The following DEFB119 variants were observed in gnomAD, a reference collection of about 807,000 sequenced individuals.
DEFB119 encodes the protein beta-defensin 119.
DEFB119 carries 3 observed loss-of-function variants against 2.5 expected under a neutral mutation model. That is an observed-to-expected ratio of 1.19 (90% CI 0.54 to 3.07). The LOEUF is 3.07. Ranked by LOEUF, DEFB119 falls within the 30% of genes most tolerant of loss-of-function variation. The pLI is 0.03. For missense variants in DEFB119, 113 were observed against 101.1 expected, an observed-to-expected ratio of 1.12 and a Z score of -0.50; for synonymous variants, 29 against 33.7, an observed-to-expected ratio of 0.86 and a Z score of 0.48.
At chr20:31,378,924 C>A (rs566866809) in intron 1 of DEFB119, among the ~76,000 whole-genome samples, 2 of 146,024 alleles carry the variant, frequency 1.4e-5, no homozygotes, top group Admixed American at 1.4e-4. Context: ...AAATACCTGG[C>A]AGATGAAAAG....
Position 31,390,492 on chromosome 20 carries a change from G to A in DEFB119, c.-9C>T. On this transcript the variant is annotated 5_prime_UTR_variant, in exon 1 of 2. Transcript: ENST00000376321. ...AGGTAAAGAAGTTTCATGGCTGGCA[G>A]ACCTGAGAGGAGGAGGTGGCTGAGC... The A allele has an allele frequency of 6.2e-7, 1 of 1,613,012 alleles. No individual in the cohort carries two copies. Among genetic ancestry groups the A allele is most frequent in the Non-Finnish European group, 8.5e-7 (1 of 1,179,634 alleles).
At chr20:31,382,036 A>C (rs1352846127) in intron 1 of DEFB119, among the ~76,000 whole-genome samples, 1 of 152,336 alleles carries the variant, frequency 6.6e-6, no homozygotes, top group Non-Finnish European at 1.5e-5. Context: ...GTGATGGAAC[A>C]GTTCTGCAGC....
rs766006707 is a variant in DEFB119, at chr20:31,377,284, C to T, written c.217G>A (p.Asp73Asn). The T allele has an allele frequency of 2.0e-5, 33 of 1,613,694 alleles. No individual in the cohort carries two copies. The East Asian group carries it at 2.2e-4, about 11-fold the overall frequency. Reference sequence around the variant, plus strand: ...GGCCACTGCTTCTCATAAGACCAGTCGGTATTTTCCTCTTTGCCAGAAATG... The same window carrying T: ...GGCCACTGCTTCTCATAAGACCAGTTGGTATTTTCCTCTTTGCCAGAAATG... ...ISISGKEENT[D>N]WSYEKQWPRL... is the part of the protein sequence containing the mutation. Residue 73 changes from aspartate to asparagine, a missense_variant, in exon 2 of 2, where the codon GAC becomes AAC. Asp to Asn is a conservative substitution (Grantham distance 23, BLOSUM62 1). Coordinates refer to ENST00000376321, the MANE Select transcript of DEFB119 (RefSeq NM_153289.4).
chr20:31,390,561 A>T lies in DEFB119; in HGVS notation c.-78T>A, dbSNP rs1357834707. ...GGTTCCCTGCAGCACGGCAGAGATG[A>T]GCTTTGCTTTTATCAGCAGGGCTGT... On this transcript the variant is annotated 5_prime_UTR_variant, in exon 1 of 2. Transcript: ENST00000376321. The T allele has an allele frequency of 1.4e-6, 2 of 1,422,070 alleles. No individual in the cohort carries two copies. The highest frequency in any genetic ancestry group is 2.9e-5 in the African/African-American group (2 of 69,570). The allele number at this position is 1,422,070 out of a possible 1,614,324, so 88.1% of individuals were successfully genotyped here. A position where few individuals can be genotyped will look rare whatever the true frequency, so the allele number is the denominator to read the frequency against.
At chr20:31,377,475 C>A in intron 1 of DEFB119, 36 bp from the exon 2 acceptor site, 2 of 1,583,412 alleles carry the variant, frequency 1.3e-6, no homozygotes, top group Admixed American at 1.8e-5. Context: ...AGTTAATTCA[C>A]CTAGGAGTGA....
intron 1 of DEFB119, 43 bp downstream of exon 1, chr20:31,390,380 C>A (rs201108071): frequency 1.2e-4 from 187 of 1,573,850 alleles, no homozygotes; most frequent in Admixed American, 2.4e-4. Context: ...AGACGGGAAG[C>A]CCATGACCAG....
At chr20:31,378,263 G>A in intron 1 of DEFB119, 6 of 1,597,924 alleles carry the variant, frequency 3.8e-6, no homozygotes, top group Admixed American at 1.7e-5. Flanking sequence ...TCCCTGAGAT[G>A]TGACTTGGAG....
At chr20:31,390,352 C>T (rs1482283547) in intron 1 of DEFB119, 71 bp downstream of exon 1, 2 of 1,421,932 alleles carry the variant, frequency 1.4e-6, no homozygotes, top group South Asian at 1.2e-5. Context: ...ATGATGCCCA[C>T]AGTGAGAGGG....
chr20:31,379,285 A>G (rs1400897750), intron 1 of DEFB119, among the ~76,000 whole-genome samples: 4 of 152,138 alleles, frequency 2.6e-5, no homozygotes, highest in African/African-American at 9.7e-5. Context: ...GTGGGCCTAA[A>G]CTAAGAAAAA....
chr20:31,380,774 T>C (rs563864322), intron 1 of DEFB119, among the ~76,000 whole-genome samples: 1 of 152,330 alleles, frequency 6.6e-6, no homozygotes, highest in African/African-American at 2.4e-5. Flanking sequence ...TTCTGTTCCA[T>C]TGATTGATGT....
chr20:31,388,356 A>C (rs1185815434), intron 1 of DEFB119: 1 of 961,548 alleles, frequency 1.0e-6, no homozygotes, highest in Non-Finnish European at 1.2e-6. Context: ...TCCTTACTGC[A>C]ATCCTGAAAT....
intron 1 of DEFB119, among the ~76,000 whole-genome samples, chr20:31,378,941 C>CTTTT (rs56082233): frequency 7.0e-6 from 1 of 143,572 alleles, no homozygotes; most frequent in African/African-American, 2.6e-5. Flanking sequence ...AAAGTGGACA[C>CTTTT]TTTTTTTTTT....
intron 1 of DEFB119, among the ~76,000 whole-genome samples, chr20:31,383,973 T>C (rs1464992982): frequency 6.6e-6 from 1 of 152,234 alleles, no homozygotes. Context: ...CCTTCTGCCA[T>C]GACTGTGAGA....
chr20:31,390,376 G>A (rs1797525889), intron 1 of DEFB119, 47 bp downstream of exon 1: 2 of 1,559,280 alleles, frequency 1.3e-6, no homozygotes, highest in Admixed American at 3.4e-5. Context: ...GGAAAGACGG[G>A]AAGCCCATGA....
At position 31,377,481 on chromosome 20, in the gene DEFB119, A is replaced by G. The variant is rs763696202; in HGVS notation, c.62-42T>C. On this transcript the variant is annotated intron_variant, in intron 1 of 1. Transcript: ENST00000376321. ...AATACAAATAGTTAATTCACCTAGGAGTGACATAAATCTGATAAGTCGGGA... is the reference window on the plus strand; with the variant it reads ...AATACAAATAGTTAATTCACCTAGGGGTGACATAAATCTGATAAGTCGGGA... 5 of 1,579,880 alleles carry G rather than the reference A, an allele frequency of 3.2e-6. No individual in the cohort carries two copies. In the Admixed American group the frequency reaches 5.3e-5, roughly 17 times the overall value.
At position 31,388,007 on chromosome 20, in the gene DEFB119, G is replaced by A. The variant is rs143409104; in HGVS notation, c.61+2416C>T. The stretch of plus-strand genomic sequence containing the variant: ...TCTATGCCATGAACCATGCTTTACC[G>A]AGCACTCTTGGTCCCTGGCCTCACT... On this transcript the variant is annotated intron_variant, in intron 1 of 1. Transcript: ENST00000376321. 6.8e-5 allele frequency: 65 copies of A among 950,764 alleles called. No homozygotes were observed. In the East Asian group the frequency reaches 6.0e-3, roughly 88 times the overall value. The allele number at this position is 950,764 out of a possible 1,614,324, so 58.9% of individuals were successfully genotyped here.
chr20:31,385,884 G>A (rs1174222537), intron 1 of DEFB119, among the ~76,000 whole-genome samples: 1 of 151,790 alleles, frequency 6.6e-6, no homozygotes, highest in Non-Finnish European at 1.5e-5. Flanking sequence ...AAAAAAAAGA[G>A]AGACAGATAG....
intron 1 of DEFB119, among the ~76,000 whole-genome samples, chr20:31,387,881 T>C (rs1986771438): frequency 6.6e-6 from 1 of 152,166 alleles, no homozygotes; most frequent in South Asian, 2.1e-4. Context: ...GAGGAGGGAC[T>C]TAGCCAGAGG....
intron 1 of DEFB119, among the ~76,000 whole-genome samples, chr20:31,387,796 C>A (rs968368769): frequency 6.6e-6 from 1 of 152,140 alleles, no homozygotes; most frequent in African/African-American, 2.4e-5. Flanking sequence ...CAAAGCATGA[C>A]CCAGAAAGGG....
Sources: gnomAD v4.1 joint callset for allele counts (sites outside exome capture counted in the v4.1 genomes callset) on GRCh38, gnomAD v4.1.1 for gene constraint, MANE v1.5 for transcripts, NCBI Gene and HGNC (gene_info 2026-07-23, HGNC 2026-07-21) for gene names.